Variants in SARS1 observed in about 807,000 individuals in gnomAD.
SARS1 encodes the protein serine--tRNA ligase, cytoplasmic.
A neutral mutation model predicts 63.7 loss-of-function variants in SARS1; 25 were observed. The ratio of observed to expected loss-of-function variants is 0.39; its 90% CI spans 0.29 to 0.55. The LOEUF (loss-of-function observed/expected upper bound fraction) is 0.55, where lower values mean the gene tolerates loss of function less well. Ranked by LOEUF, SARS1 falls within the 20% of genes least tolerant of loss-of-function variation. SARS1 has a pLI of 0.62. For missense variants in SARS1, 417 were observed against 649.7 expected (o/e 0.64, Z 3.89); for synonymous variants, 231 against 243.5 (o/e 0.95, Z 0.48).
Position 109,236,560 on chromosome 1 carries a change from C to A in SARS1, c.1257+12C>A. 6.3e-7 allele frequency: 1 copy of A among 1,596,516 alleles called. No homozygotes were observed. The highest frequency in any genetic ancestry group is 8.6e-7 in the Non-Finnish European group (1 of 1,165,320). On this transcript the variant is annotated intron_variant, in intron 9 of 10. Coordinates refer to ENST00000234677, the MANE Select transcript of SARS1 (RefSeq NM_006513.4). Reference sequence around the variant, plus strand: ...AGATGATGGACAAGGTAGATGGCCCCCAGGGAGGTGGGAAGCAGAGTCTTC... The same window carrying A: ...AGATGATGGACAAGGTAGATGGCCCACAGGGAGGTGGGAAGCAGAGTCTTC...
In SARS1 at chr1:109,214,840, C is replaced by T. The variant is rs3203683; in HGVS notation, c.136+712C>T. 3 of 985,368 alleles carry T rather than the reference C, an allele frequency of 3.0e-6. No homozygotes were observed. The highest frequency in any genetic ancestry group is 1.2e-4 in the Admixed American group (2 of 16,272). The allele number at this position is 985,368 out of a possible 1,614,324, so 61.0% of individuals were successfully genotyped here. On this transcript the variant is annotated intron_variant, in intron 1 of 10. Coordinates refer to ENST00000234677, the MANE Select transcript of SARS1 (RefSeq NM_006513.4). The surrounding 1 kb of genome is among the most constrained non-coding windows in gnomAD (Gnocchi z 4.6). ...CTTTAAAGACATTGGCAGAGTTGGG[C>T]TAGAACCTGGAACTGCCGGATCTTG...
rs776627242 is a variant in SARS1, at chr1:109,229,523, G to T, written c.398G>T (p.Arg133Leu). The T allele has an allele frequency of 1.9e-6, 3 of 1,614,090 alleles. No homozygotes were observed. The highest frequency in any genetic ancestry group is 1.7e-6 in the Non-Finnish European group (2 of 1,180,054). Residue 133 changes from arginine to leucine, a missense_variant, in exon 4 of 11, where the codon CGA (arginine) becomes CTA (leucine). This residue lies in a region of SARS1 where 359 missense variants were observed against 529.6 expected (regional missense o/e 0.68). Transcript: ENST00000234677. ...KLEAERFENLREIGNLLHPSV... is the reference protein window; with the variant it reads ...KLEAERFENLLEIGNLLHPSV... ...GAAGCAGAGCGGTTTGAGAACCTCC[G>T]AGAGATTGGGAACCTTCTGCACCCT...
chr1:109,236,301 C>A, intron 8 of SARS1, 90 bp from the exon 9 acceptor site: 1 of 1,392,534 alleles, frequency 7.2e-7, no homozygotes. Flanking sequence ...GGAGACAGGA[C>A]ATGAATTAAA....
At chr1:109,230,322 TG>T (rs1655181374) in intron 4 of SARS1, among the ~76,000 whole-genome samples, 2 of 152,064 alleles carry the variant, frequency 1.3e-5, no homozygotes, top group African/African-American at 4.8e-5. Context: ...ATAGACCTCT[TG>T]GAAAATCATC....
chr1:109,224,984 A>G (rs1048855124), intron 2 of SARS1, among the ~76,000 whole-genome samples: 2 of 152,178 alleles, frequency 1.3e-5, no homozygotes, highest in African/African-American at 4.8e-5. Context: ...CTGTGCCTGT[A>G]GTTCCAGCTA....
chr1:109,234,984 A>T (rs1422815405), intron 6 of SARS1, among the ~76,000 whole-genome samples: 3 of 152,172 alleles, frequency 2.0e-5, no homozygotes, highest in African/African-American at 7.2e-5. Flanking sequence ...AAAAAAGATA[A>T]GTGGAAAATA....
At position 109,237,381 on chromosome 1, in the gene SARS1, TC is replaced by T; in HGVS notation, c.1387+11del. ...AGGAGTTCATGCCGCCAGGTAAAAC[TC>T]CCAGCTCATCTCATCGTTCTCCTCT... On this transcript the variant is annotated intron_variant, in intron 10 of 10. Transcript: ENST00000234677. The surrounding 1 kb of genome is among the most constrained non-coding windows in gnomAD (Gnocchi z 4.1). The T allele has an allele frequency of 6.2e-7, 1 of 1,614,194 alleles. No individual in the cohort carries two copies.
At chr1:109,221,352 T>C (rs2101187161) in intron 1 of SARS1, among the ~76,000 whole-genome samples, 1 of 152,266 alleles carries the variant, frequency 6.6e-6, no homozygotes, top group Non-Finnish European at 1.5e-5. Context: ...AGCCACTGCG[T>C]CCGGCCACAT....
chr1:109,223,536 A>G (rs1474739948), intron 1 of SARS1, among the ~76,000 whole-genome samples: 3 of 152,202 alleles, frequency 2.0e-5, no homozygotes, highest in African/African-American at 4.8e-5. Flanking sequence ...AAGCTCTAAG[A>G]TTAGGCCGGG....
intron 1 of SARS1, among the ~76,000 whole-genome samples, chr1:109,218,214 A>AAAT (rs1654838335): frequency 6.8e-6 from 1 of 146,174 alleles, no homozygotes; most frequent in African/African-American, 2.5e-5. Flanking sequence ...AAAAAAAAAA[A>AAAT]AAATTAGCCA....
intron 5 of SARS1, 137 bp downstream of exon 5, chr1:109,231,158 T>C: frequency 2.1e-6 from 1 of 477,910 alleles, no homozygotes; most frequent in Non-Finnish European, 3.1e-6. Context: ...CTTGCCTTTC[T>C]GCAAATGTAT....
At chr1:109,219,773 A>G (rs1654887366) in intron 1 of SARS1, among the ~76,000 whole-genome samples, 1 of 152,202 alleles carries the variant, frequency 6.6e-6, no homozygotes, top group African/African-American at 2.4e-5. Context: ...TTGGCCTCCC[A>G]AAATGCTGGG....
intron 1 of SARS1, among the ~76,000 whole-genome samples, chr1:109,218,406 C>T (rs932947062): frequency 2.0e-4 from 24 of 118,636 alleles, no homozygotes; most frequent in East Asian, 7.5e-4. Context: ...AGATATTTTA[C>T]TTTTTTTTTT....
At chr1:109,236,717 G>A in intron 9 of SARS1, 169 bp downstream of exon 9, 2 of 1,516,020 alleles carry the variant, frequency 1.3e-6, no homozygotes, top group Non-Finnish European at 1.8e-6. Flanking sequence ...TCAGGACTGA[G>A]TTCTTTTAGC....
intron 1 of SARS1, among the ~76,000 whole-genome samples, chr1:109,222,015 T>A (rs1229919759): frequency 3.0e-4 from 17 of 56,894 alleles, no homozygotes; most frequent in African/African-American, 1.7e-3. Flanking sequence ...TATATATTTT[T>A]TTTTTTTTTT....
intron 5 of SARS1, chr1:109,231,222 C>T (rs549188401): frequency 1.1e-4 from 33 of 298,890 alleles, no homozygotes; most frequent in Non-Finnish European, 1.8e-4. Flanking sequence ...ATCAGGATTC[C>T]GTAGAACAAA....
chr1:109,226,995 CTTTTTTT>C (rs562155510), intron 2 of SARS1, among the ~76,000 whole-genome samples: 1 of 131,246 alleles, frequency 7.6e-6, no homozygotes, highest in South Asian at 2.4e-4. Flanking sequence ...TTCTTTAACT[CTTTTTTT>C]TTTTTTTTTT....
intron 2 of SARS1, among the ~76,000 whole-genome samples, chr1:109,226,138 C>T (rs1334684257): frequency 1.4e-5 from 2 of 146,686 alleles, no homozygotes; most frequent in Admixed American, 1.4e-4. Flanking sequence ...CCACCACACT[C>T]GGCTAATTTT....
At position 109,235,467 on chromosome 1, in the gene SARS1, C is replaced by A; in HGVS notation, c.969+36C>A. The A allele has an allele frequency of 6.5e-7, 1 of 1,530,688 alleles. No individual in the cohort carries two copies. The highest frequency in any genetic ancestry group is 9.0e-7 in the Non-Finnish European group (1 of 1,114,360). The allele number at this position is 1,530,688 out of a possible 1,614,324, so 94.8% of individuals were successfully genotyped here. A position where few individuals can be genotyped will look rare whatever the true frequency, so the allele number is the denominator to read the frequency against. ...GGGTCAGGGTAAGGAGTGGAACTTT[C>A]TCTGTCTCCAGAATGGTTAGATGAG... On this transcript the variant is annotated intron_variant, in intron 7 of 10. Coordinates refer to ENST00000234677, the MANE Select transcript of SARS1 (RefSeq NM_006513.4). The surrounding 1 kb of genome is among the most constrained non-coding windows in gnomAD (Gnocchi z 4.7).
Sources: allele counts gnomAD v4.1 joint callset (sites outside exome capture counted in the v4.1 genomes callset), GRCh38; gene constraint gnomAD v4.1.1; regional missense constraint gnomAD v4.1.1; non-coding constraint Gnocchi (gnomAD v3.1); transcripts MANE v1.5; gene names NCBI Gene and HGNC (gene_info 2026-07-23, HGNC 2026-07-21).